The following MYO1C variants were observed in gnomAD, a reference collection of about 807,000 sequenced individuals.
MYO1C encodes the protein unconventional myosin-Ic.
In MYO1C, 104 loss-of-function variants were observed where a neutral mutation model predicts 150.8. The ratio of observed to expected loss-of-function variants is 0.69; its 90% CI spans 0.59 to 0.81. The LOEUF (loss-of-function observed/expected upper bound fraction) is 0.81. Among genes scored for constraint, MYO1C ranks in the 30% least tolerant of loss-of-function variants. MYO1C has a pLI of 0.00. For missense variants in MYO1C, 1,504 were observed against 1,435.0 expected (o/e 1.05, Z -0.78); for synonymous variants, 663 against 579.9 (o/e 1.14, Z -2.06).
chr17:1,474,910 T>C, intron 15 of MYO1C, 28 bp downstream of exon 15: 3 of 1,611,426 alleles, frequency 1.9e-6, no homozygotes, highest in Non-Finnish European at 2.5e-6. Flanking sequence ...CGCAGGCCCC[T>C]GTGGGGACAC....
intron 13 of MYO1C, 49 bp downstream of exon 13, chr17:1,477,842 C>G: frequency 6.5e-7 from 1 of 1,533,634 alleles, no homozygotes; most frequent in African/African-American, 1.4e-5. Flanking sequence ...AGGGGGACAT[C>G]CTCCCACCCA....
In MYO1C at chr17:1,466,548, G is replaced by C. The variant is rs572610135; in HGVS notation, c.3165+694C>G. Among the ~76,000 whole-genome samples, 24 of 151,154 alleles carry C rather than the reference G, an allele frequency of 1.6e-4. 1 individual carries two copies. The South Asian group carries it at 4.8e-3, about 30-fold the overall frequency. On this transcript the variant is annotated intron_variant, in intron 31 of 31. Coordinates refer to ENST00000648651, the MANE Select transcript of MYO1C (RefSeq NM_001080779.2). ...TTCTCCAGTTGGTCAGGCTGGTTTC[G>C]AACTCCCAACCTCAGGTGATCCACT... is the stretch of plus-strand genomic sequence containing the variant.
At chr17:1,475,388 CA>C (rs150952126) in intron 14 of MYO1C, among the ~76,000 whole-genome samples, 21 of 147,020 alleles carry the variant, frequency 1.4e-4, no homozygotes, top group Admixed American at 1.4e-4. Flanking sequence ...CACTACACTC[CA>C]AAAAAAAAAG....
chr17:1,479,677 A>AG lies in MYO1C; in HGVS notation c.934dup (p.Leu312ProfsTer115). On this transcript the variant is annotated frameshift_variant, in exon 8 of 32. Coordinates refer to ENST00000648651, the MANE Select transcript of MYO1C (RefSeq NM_001080779.2). LOFTEE classifies it high-confidence loss of function. This position sits in a 1 kb window ranked among gnomAD's most constrained non-coding sequence, Gnocchi z 4.2. Reference sequence around the variant, plus strand: ...AGCAAAGTGGATGTTGCCCAAATGAAGGACGCTGGCCACGATGCTCAGCAG... The same window carrying AG: ...AGCAAAGTGGATGTTGCCCAAATGAAGGGACGCTGGCCACGATGCTCAGCAG... 1 of 1,613,096 alleles carries AG rather than the reference A, an allele frequency of 6.2e-7. No homozygotes were observed. The highest frequency in any genetic ancestry group is 8.5e-7 in the Non-Finnish European group (1 of 1,179,686).
chr17:1,466,562 A>G (rs2074175334), intron 31 of MYO1C, among the ~76,000 whole-genome samples: 1 of 150,674 alleles, frequency 6.6e-6, no homozygotes, highest in African/African-American at 2.4e-5. Context: ...TCCCAACCTC[A>G]GGTGATCCAC....
intron 1 of MYO1C, chr17:1,485,771 G>A (rs1363883608): frequency 5.9e-6 from 6 of 1,015,482 alleles, no homozygotes; most frequent in Middle Eastern, 4.5e-4. Flanking sequence ...GGGCTCGGCG[G>A]CGGTGGCGGC....
At chr17:1,490,091 A>G (rs565303031) in intron 1 of MYO1C, among the ~76,000 whole-genome samples, 1 of 151,746 alleles carries the variant, frequency 6.6e-6, no homozygotes, top group South Asian at 2.1e-4. Context: ...TCCCTGTTTA[A>G]TGTCCTTGTA....
In MYO1C at chr17:1,485,492, C is replaced by T. The variant is rs1598347719; in HGVS notation, c.76-1189G>A. On this transcript the variant is annotated intron_variant, in intron 1 of 31. Coordinates refer to ENST00000648651, the MANE Select transcript of MYO1C (RefSeq NM_001080779.2). ...GGGTCTCCGCGTTCTCAGGCGTCCC[C>T]GGCGGCTCCTCATCCGGCCCCGGGT... 4 of 598,080 alleles carry T rather than the reference C, an allele frequency of 6.7e-6. No individual in the cohort carries two copies. The East Asian group carries it at 2.0e-4, about 30-fold the overall frequency. 37.0% of individuals were successfully genotyped at this position (598,080 alleles called of 1,614,324 possible). A position where few individuals can be genotyped will look rare whatever the true frequency, so the allele number is the denominator to read the frequency against.
intron 17 of MYO1C, among the ~76,000 whole-genome samples, chr17:1,473,762 G>A (rs2074349062): frequency 2.0e-5 from 3 of 152,076 alleles, no homozygotes; most frequent in Admixed American, 2.0e-4. Flanking sequence ...GACTCTCTGT[G>A]TCTGGACTGG....
intron 16 of MYO1C, 38 bp downstream of exon 16, chr17:1,474,774 T>TC: frequency 4.8e-5 from 77 of 1,597,308 alleles, no homozygotes; most frequent in Non-Finnish European, 6.1e-5. Flanking sequence ...CTGTGGGCTA[T>TC]CCCCACCCCC....
In MYO1C at chr17:1,470,325, T is replaced by A. The variant is rs780793448; in HGVS notation, c.2376A>T (p.Arg792=). 2.8e-6 allele frequency: 4 copies of A among 1,445,180 alleles called. No homozygotes were observed. In the South Asian group the frequency reaches 3.7e-5, roughly 13 times the overall value. 89.5% of individuals were successfully genotyped at this position (1,445,180 alleles called of 1,614,324 possible). A position where few individuals can be genotyped will look rare whatever the true frequency, so the allele number is the denominator to read the frequency against. The part of the protein sequence containing the change: ...WAAQTIRRLI[R]GFVLRHAPRC... ...GGGGGGCGTGGCGCAGGACGAAGCC[T>A]CGGATGAGCCTGGGGTGGGGGGCCA... Residue 792 remains arginine, a synonymous_variant, in exon 24 of 32, where the codon CGA becomes CGT. Coordinates refer to ENST00000648651, the MANE Select transcript of MYO1C (RefSeq NM_001080779.2).
At chr17:1,485,385 G>C in intron 1 of MYO1C, 1 of 197,578 alleles carries the variant, frequency 5.1e-6, no homozygotes, top group Non-Finnish European at 7.7e-6. Flanking sequence ...TCCCAGGCTT[G>C]TCCTCACCGC....
At chr17:1,472,260 G>A (rs755597339) in intron 17 of MYO1C, 32 bp from the exon 18 acceptor site, 7 of 1,595,862 alleles carry the variant, frequency 4.4e-6, no homozygotes, top group South Asian at 1.1e-5. Context: ...GAGGTTGGCC[G>A]GAGCTGGGCT....
In MYO1C at chr17:1,472,699, G is replaced by A. The variant is rs533613723; in HGVS notation, c.1798-471C>T. ...CGAGAGTAGCAGGTGTATGCCTGTG[G>A]GTTCTGAGAGCCCCACAAAGGGACA... On this transcript the variant is annotated intron_variant, in intron 17 of 31. Coordinates refer to ENST00000648651, the MANE Select transcript of MYO1C (RefSeq NM_001080779.2). Among the ~76,000 whole-genome samples, 7 of 152,200 alleles carry A rather than the reference G, an allele frequency of 4.6e-5. No individual in the cohort carries two copies. In the East Asian group the frequency reaches 1.4e-3, roughly 29 times the overall value.
At chr17:1,483,415 G>A (rs900184565) in intron 3 of MYO1C, among the ~76,000 whole-genome samples, 195 bp downstream of exon 3, 1 of 152,068 alleles carries the variant, frequency 6.6e-6, no homozygotes, top group African/African-American at 2.4e-5. Flanking sequence ...TGTGAGTCGG[G>A]GTAGGGACTG....
chr17:1,471,891 C>T lies in MYO1C; in HGVS notation c.2021+16G>A. On this transcript the variant is annotated intron_variant, in intron 19 of 31. Transcript: ENST00000648651. ...CCCGCTCCCCTTCCCTGGCACCGAG[C>T]AGGACCTGCCCCCACCTTTGCAGGA... The T allele has an allele frequency of 6.2e-7, 1 of 1,613,002 alleles. No homozygotes were observed. Among genetic ancestry groups the T allele is most frequent in the Non-Finnish European group, 8.5e-7 (1 of 1,179,056 alleles).
At chr17:1,487,700 C>A (rs972235147) in intron 1 of MYO1C, among the ~76,000 whole-genome samples, 1 of 152,172 alleles carries the variant, frequency 6.6e-6, no homozygotes, top group Non-Finnish European at 1.5e-5. Context: ...GGCGGATCAT[C>A]AGAGTTCAGG....
At position 1,470,122 on chromosome 17, in the gene MYO1C, C is replaced by G. The variant is rs563298177; in HGVS notation, c.2526+53G>C. ...ATCCTTTGGCCCGAAGAAATCAGAC[C>G]CTTCTGCTGTGTACTATGATGGTCC... On this transcript the variant is annotated intron_variant, in intron 24 of 31. Coordinates refer to ENST00000648651, the MANE Select transcript of MYO1C (RefSeq NM_001080779.2). The G allele has an allele frequency of 2.6e-6, 4 of 1,544,042 alleles. No individual in the cohort carries two copies. In the African/African-American group the frequency reaches 5.5e-5, roughly 21 times the overall value.
chr17:1,472,057 TGG>T, intron 18 of MYO1C, 33 bp from the exon 19 acceptor site: 1 of 1,607,674 alleles, frequency 6.2e-7, no homozygotes, highest in East Asian at 2.2e-5. Flanking sequence ...GTCAGCGGGC[TGG>T]CGCTGACGGC....
Sources: allele counts gnomAD v4.1 joint callset (sites outside exome capture counted in the v4.1 genomes callset), GRCh38; gene constraint gnomAD v4.1.1; non-coding constraint Gnocchi (gnomAD v3.1); transcripts MANE v1.5; gene names NCBI Gene and HGNC (gene_info 2026-07-23, HGNC 2026-07-21).